The following PIAS2 variants were observed in gnomAD, a reference collection of about 807,000 sequenced individuals.
PIAS2 encodes the protein protein inhibitor of activated STAT 2.
PIAS2 carries 19 observed loss-of-function variants against 69.7 expected under a neutral mutation model. The ratio of observed to expected loss-of-function variants is 0.27; its 90% CI spans 0.19 to 0.40. PIAS2 has a LOEUF of 0.40. PIAS2 is among the 10% of genes least tolerant of loss of function. The pLI, the probability that PIAS2 is intolerant of heterozygous loss-of-function variation, is 1.00. For missense variants in PIAS2, 624 were observed against 757.0 expected (o/e 0.82, Z 2.06); for synonymous variants, 261 against 263.2 (o/e 0.99, Z 0.08).
intron 9 of PIAS2, among the ~76,000 whole-genome samples, chr18:46,830,513 T>C (rs983859908): frequency 6.6e-6 from 1 of 151,966 alleles, no homozygotes; most frequent in African/African-American, 2.4e-5. Context: ...ATTTATAGCA[T>C]TAATCTTCCC....
At chr18:46,831,096 AAAG>A (rs1232303272) in intron 9 of PIAS2, among the ~76,000 whole-genome samples, 7 of 152,278 alleles carry the variant, frequency 4.6e-5, no homozygotes, top group East Asian at 1.9e-4. Context: ...TCCACGTTAG[AAAG>A]AAGAAGTAAA....
intron 2 of PIAS2, among the ~76,000 whole-genome samples, chr18:46,878,760 C>CA (rs771017884): frequency 1.3e-5 from 2 of 152,192 alleles, no homozygotes; most frequent in Non-Finnish European, 2.9e-5. Flanking sequence ...CCCAGCTACT[C>CA]AGGAGACTGC....
intron 1 of PIAS2, among the ~76,000 whole-genome samples, chr18:46,912,717 T>C (rs1308202220): frequency 6.6e-6 from 1 of 152,162 alleles, no homozygotes; most frequent in Non-Finnish European, 1.5e-5. Flanking sequence ...GAGAAAGGCA[T>C]GGTATATTTT....
At chr18:46,900,896 C>T (rs2146155777) in intron 1 of PIAS2, 2 of 251,668 alleles carry the variant, frequency 7.9e-6, no homozygotes, top group East Asian at 1.5e-4. Context: ...ATCACCTGAA[C>T]CCTAGAGGCG....
At chr18:46,864,081 C>A in intron 3 of PIAS2, 83 bp downstream of exon 3, 1 of 756,692 alleles carries the variant, frequency 1.3e-6, no homozygotes, top group East Asian at 2.5e-5. Context: ...TTACACTGTC[C>A]AGTCTGTGAA....
At chr18:46,894,105 G>A (rs758508360) in intron 1 of PIAS2, among the ~76,000 whole-genome samples, 44 of 152,062 alleles carry the variant, frequency 2.9e-4, no homozygotes, top group Middle Eastern at 3.2e-3. Context: ...CAACCTGGGC[G>A]ACAGAGTGAG....
At position 46,917,352 on chromosome 18, in the gene PIAS2, C is replaced by G; in HGVS notation, c.-7G>C. On this transcript the variant is annotated 5_prime_UTR_variant, in exon 1 of 14. Transcript: ENST00000585916. Reference sequence around the variant, plus strand: ...ACTCTTCGAAATCCGCCATTTTATACCACCCGCGGGCGCCGCCGCCGCTGC... The same window carrying G: ...ACTCTTCGAAATCCGCCATTTTATAGCACCCGCGGGCGCCGCCGCCGCTGC... 1.4e-6 allele frequency: 2 copies of G among 1,467,466 alleles called. No homozygotes were observed. Among genetic ancestry groups the G allele is most frequent in the Non-Finnish European group, 1.8e-6 (2 of 1,104,514 alleles). 90.9% of individuals were successfully genotyped at this position (1,467,466 alleles called of 1,614,324 possible).
intron 2 of PIAS2, among the ~76,000 whole-genome samples, chr18:46,885,194 C>T (rs2052950513): frequency 6.6e-6 from 1 of 151,976 alleles, no homozygotes; most frequent in Non-Finnish European, 1.5e-5. Context: ...AGCTGCAAAA[C>T]AATATACTAA....
chr18:46,890,729 G>A lies in PIAS2; in HGVS notation c.350C>T (p.Pro117Leu). The change falls in exon 2 of 14, where the codon CCT becomes CTT. Residue 117 changes from proline to leucine, a missense_variant. Pro to Leu is a moderately conservative substitution (Grantham distance 98, BLOSUM62 -3). This residue lies in a region of PIAS2 where 339 missense variants were observed against 408.8 expected (regional missense o/e 0.83). Coordinates refer to ENST00000585916, the MANE Select transcript of PIAS2 (RefSeq NM_004671.5). ...TSVTPHSPSS[P>L]VGSVLLQDTK... is the part of the protein sequence containing the mutation. ...ATCTTGAAGCAGCACAGAACCAACAGGAGAGGATGGTGAGTGAGGTGTAAC... is the reference window on the plus strand; with the variant it reads ...ATCTTGAAGCAGCACAGAACCAACAAGAGAGGATGGTGAGTGAGGTGTAAC... 6.2e-7 allele frequency: 1 copy of A among 1,614,138 alleles called. No homozygotes were observed. The highest frequency in any genetic ancestry group is 1.3e-5 in the African/African-American group (1 of 75,038).
chr18:46,914,246 C>G (rs1451539176), intron 1 of PIAS2, among the ~76,000 whole-genome samples: 2 of 152,146 alleles, frequency 1.3e-5, no homozygotes, highest in African/African-American at 4.8e-5. Context: ...AGAACTTCCC[C>G]ACTTCCTTTC....
At chr18:46,869,450 G>A (rs547100773) in intron 2 of PIAS2, among the ~76,000 whole-genome samples, 1 of 152,204 alleles carries the variant, frequency 6.6e-6, no homozygotes, top group South Asian at 2.1e-4. Context: ...CAAGCCTCTA[G>A]AGAAGGGAAG....
intron 1 of PIAS2, among the ~76,000 whole-genome samples, chr18:46,895,595 C>A (rs1221687142): frequency 6.6e-6 from 1 of 152,094 alleles, no homozygotes; most frequent in South Asian, 2.1e-4. Flanking sequence ...TGCTTGAACC[C>A]GGGAAGTGGT....
Position 46,890,672 on chromosome 18 carries a change from G to A in PIAS2, c.407C>T (p.Ser136Phe). 1 of 1,614,132 alleles carries A rather than the reference G, an allele frequency of 6.2e-7. No individual in the cohort carries two copies. The change falls in exon 2 of 14, where the codon TCT becomes TTT. Residue 136 changes from serine (S) to phenylalanine (F), a missense_variant. Coordinates refer to ENST00000585916, the MANE Select transcript of PIAS2 (RefSeq NM_004671.5). ...AGGATGGACAGGAGGAATTGGGGGA[G>A]ATGGCTGCTGCATCTCAAATGTGGG... Reference protein sequence around the residue: ...TKPTFEMQQPSPPIPPVHPDV... With the variant: ...TKPTFEMQQPFPPIPPVHPDV...
At chr18:46,858,926 C>CA (rs1239220567) in intron 3 of PIAS2, among the ~76,000 whole-genome samples, 3 of 152,210 alleles carry the variant, frequency 2.0e-5, no homozygotes, top group East Asian at 3.9e-4. Flanking sequence ...GTTATAGCAT[C>CA]AATCTCCCAA....
chr18:46,875,334 T>G (rs568581617), intron 2 of PIAS2, among the ~76,000 whole-genome samples: 1 of 152,144 alleles, frequency 6.6e-6, no homozygotes, highest in Non-Finnish European at 1.5e-5. Flanking sequence ...TTCAAACAAG[T>G]TGCAAGGACT....
At chr18:46,827,801 A>G (rs2043031518) in intron 11 of PIAS2, 158 bp downstream of exon 11, 2 of 580,426 alleles carry the variant, frequency 3.4e-6, no homozygotes, top group Non-Finnish European at 2.9e-6. Context: ...TTTGCTTCCT[A>G]TAAACAATGT....
intron 2 of PIAS2, among the ~76,000 whole-genome samples, chr18:46,888,273 T>C (rs969429384): frequency 2.6e-5 from 4 of 152,086 alleles, no homozygotes; most frequent in African/African-American, 9.7e-5. Context: ...CCCATCAGCC[T>C]ATGTGGGAAA....
At chr18:46,904,616 T>C (rs1156400957) in intron 1 of PIAS2, among the ~76,000 whole-genome samples, 1 of 151,964 alleles carries the variant, frequency 6.6e-6, no homozygotes, top group African/African-American at 2.4e-5. Flanking sequence ...CCAGGCATGG[T>C]GGCAGGCACC....
chr18:46,859,401 C>A (rs1260253906), intron 3 of PIAS2, among the ~76,000 whole-genome samples: 1 of 133,820 alleles, frequency 7.5e-6, no homozygotes, highest in African/African-American at 2.9e-5. Context: ...GCACTCCAGC[C>A]TGGGTGACAG....
Sources: allele counts gnomAD v4.1 joint callset (sites outside exome capture counted in the v4.1 genomes callset), GRCh38; gene constraint gnomAD v4.1.1; regional missense constraint gnomAD v4.1.1; transcripts MANE v1.5; gene names NCBI Gene and HGNC (gene_info 2026-07-23, HGNC 2026-07-21).